SLIT3: variants seen among roughly 807,000 people sequenced by gnomAD.
SLIT3 encodes the protein slit guidance ligand 3.
A neutral mutation model predicts 184.0 loss-of-function variants in SLIT3; 68 were observed. The ratio of observed to expected loss-of-function variants is 0.37; its 90% CI spans 0.30 to 0.45. The LOEUF is 0.45. Ranked by LOEUF, SLIT3 falls within the 20% of genes least tolerant of loss-of-function variation. The probability of loss-of-function intolerance (pLI) is 1.00; values close to 1 mark genes in which losing one functional copy is unlikely to be tolerated. For synonymous variants in SLIT3, 831 were observed against 828.6 expected (o/e 1.00, Z -0.05); for missense variants, 1,707 against 2,026.0 (o/e 0.84, Z 3.02).
intron 4 of SLIT3, among the ~76,000 whole-genome samples, chr5:168,939,874 G>A (rs1296277464): frequency 6.6e-6 from 1 of 152,154 alleles, no homozygotes; most frequent in Admixed American, 6.6e-5. Context: ...TAAAGATTTT[G>A]TATATATTAC....
rs186709425 is a variant in SLIT3, at chr5:169,048,263, G to A, written c.413+145216C>T. The stretch of plus-strand genomic sequence containing the variant: ...GCCTCAGATTTCCTCATCCTTAAAC[G>A]GAGAATCATAAGCTCATCTACATAG... On this transcript the variant is annotated intron_variant, in intron 4 of 35. Transcript: ENST00000519560. 2.6e-5 allele frequency among the ~76,000 whole-genome samples: 4 copies of A among 152,258 alleles called. No individual in the cohort carries two copies. In the East Asian group the frequency reaches 7.7e-4, roughly 29 times the overall value.
intron 4 of SLIT3, among the ~76,000 whole-genome samples, chr5:169,152,213 G>A (rs1762138450): frequency 6.6e-6 from 1 of 152,126 alleles, no homozygotes; most frequent in South Asian, 2.1e-4. Flanking sequence ...GAAAACCACA[G>A]CACACACAAA....
chr5:169,045,064 G>T (rs540517094), intron 4 of SLIT3, among the ~76,000 whole-genome samples: 16 of 152,312 alleles, frequency 1.1e-4, no homozygotes, highest in Admixed American at 9.2e-4. Context: ...GTCATGCTAA[G>T]GTTTCATAGA....
chr5:168,824,901 A>ATT (rs1172381812), intron 6 of SLIT3, among the ~76,000 whole-genome samples: 1 of 152,190 alleles, frequency 6.6e-6, no homozygotes, highest in Non-Finnish European at 1.5e-5. Context: ...TCGTAAACAC[A>ATT]TTATCTTCCG....
At chr5:169,060,340 C>A (rs1233280090) in intron 4 of SLIT3, among the ~76,000 whole-genome samples, 1 of 152,130 alleles carries the variant, frequency 6.6e-6, no homozygotes, top group African/African-American at 2.4e-5. Context: ...TGCAGTGAGC[C>A]AAGATCGCAC....
At chr5:169,281,000 C>G (rs1766974545) in intron 1 of SLIT3, among the ~76,000 whole-genome samples, 1 of 152,132 alleles carries the variant, frequency 6.6e-6, no homozygotes, top group Non-Finnish European at 1.5e-5. Flanking sequence ...CAAATGGCAG[C>G]TGACGTACTG....
chr5:169,084,503 G>T (rs1052468789), intron 4 of SLIT3, among the ~76,000 whole-genome samples: 18 of 147,756 alleles, frequency 1.2e-4, no homozygotes, highest in Non-Finnish European at 2.4e-4. Flanking sequence ...GTAGAGACGG[G>T]GTTTCACCAT....
chr5:169,169,001 C>T (rs1581011658), intron 4 of SLIT3, among the ~76,000 whole-genome samples: 1 of 151,748 alleles, frequency 6.6e-6, no homozygotes. Context: ...GGATTCATCC[C>T]AAGCCCTGTG....
At chr5:169,030,746 A>G (rs915381089) in intron 4 of SLIT3, among the ~76,000 whole-genome samples, 1 of 152,250 alleles carries the variant, frequency 6.6e-6, no homozygotes, top group Non-Finnish European at 1.5e-5. Context: ...TATCCACAAA[A>G]CAATCATATG....
intron 3 of SLIT3, among the ~76,000 whole-genome samples, chr5:169,197,683 G>T (rs1029653244): frequency 1.3e-5 from 2 of 152,156 alleles, no homozygotes; most frequent in African/African-American, 2.4e-5. Flanking sequence ...TATGAGGACA[G>T]AACTGAGGAA....
chr5:168,760,980 G>A (rs2113501742), intron 15 of SLIT3, 44 bp from the exon 16 acceptor site: 1 of 1,450,670 alleles, frequency 6.9e-7, no homozygotes, highest in Non-Finnish European at 9.7e-7. Context: ...TGTGGACGAG[G>A]CCCCTCCTTC....
intron 8 of SLIT3, among the ~76,000 whole-genome samples, chr5:168,809,008 C>T (rs2113638320): frequency 6.6e-6 from 1 of 152,264 alleles, no homozygotes; most frequent in South Asian, 2.1e-4. Flanking sequence ...TCCATCTGTT[C>T]AGGTGGAGGG....
At chr5:168,904,197 G>A (rs755093581) in intron 4 of SLIT3, among the ~76,000 whole-genome samples, 3 of 152,062 alleles carry the variant, frequency 2.0e-5, no homozygotes, top group Non-Finnish European at 2.9e-5. Flanking sequence ...AGTTTTGTTC[G>A]CCTGCACTTG....
chr5:169,151,131 C>A (rs76951097), intron 4 of SLIT3, among the ~76,000 whole-genome samples: 1 of 152,144 alleles, frequency 6.6e-6, no homozygotes, highest in African/African-American at 2.4e-5. Context: ...AAAGGGACAC[C>A]AGGATCGACG....
At chr5:168,729,583 CA>C (rs1031087278) in intron 20 of SLIT3, among the ~76,000 whole-genome samples, 1 of 151,774 alleles carries the variant, frequency 6.6e-6, no homozygotes, top group African/African-American at 2.4e-5. Flanking sequence ...CCTTCCCTGA[CA>C]AGCAAATACT....
intron 4 of SLIT3, among the ~76,000 whole-genome samples, chr5:169,168,585 A>G (rs1375207471): frequency 6.6e-6 from 1 of 152,206 alleles, no homozygotes; most frequent in Non-Finnish European, 1.5e-5. Flanking sequence ...AGGTGTCACT[A>G]AATCAAAAAG....
At chr5:169,012,062 A>T (rs17666814) in intron 4 of SLIT3, 18 of 151,886 alleles carry the variant, frequency 1.2e-4, no homozygotes, top group Admixed American at 1.2e-3. Context: ...ACTAAATAGC[A>T]AATACAAATG....
chr5:168,712,412 T>G, intron 23 of SLIT3, 58 bp from the exon 24 acceptor site: 1 of 1,486,174 alleles, frequency 6.7e-7, no homozygotes, highest in South Asian at 1.1e-5. Context: ...TTTAGCATAT[T>G]CTCAGGGCCT....
intron 5 of SLIT3, among the ~76,000 whole-genome samples, chr5:168,861,243 C>G (rs867584687): frequency 3.9e-5 from 6 of 152,084 alleles, no homozygotes; most frequent in African/African-American, 7.2e-5. Flanking sequence ...TCTCCTAATG[C>G]TTTCCCTCCC....
Sources: allele counts gnomAD v4.1 joint callset (sites outside exome capture counted in the v4.1 genomes callset), GRCh38; gene constraint gnomAD v4.1.1; transcripts MANE v1.5; gene names NCBI Gene and HGNC (gene_info 2026-07-23, HGNC 2026-07-21).